FHIP1A: variants seen among roughly 807,000 people sequenced by gnomAD.
FHIP1A encodes the protein FHF complex subunit HOOK-interacting protein 1A.
Under a neutral mutation model 88.6 loss-of-function variants are expected in FHIP1A, and 61 were observed. That is an observed-to-expected ratio of 0.69 (90% CI 0.56 to 0.85). The LOEUF is 0.85. FHIP1A is among the 40% of genes least tolerant of loss of function. FHIP1A has a pLI of 0.00. For missense variants in FHIP1A, 1,154 were observed against 1,273.5 expected (o/e 0.91, Z 1.43); for synonymous variants, 478 against 496.0 (o/e 0.96, Z 0.48).
Position 151,662,572 on chromosome 4 carries a change from C to T in FHIP1A, c.2941C>T (p.Pro981Ser), listed in dbSNP as rs889790470. Residue 981 changes from proline to serine, a missense_variant, in exon 14 of 14, where the codon CCC (proline) becomes TCC (serine). Coordinates refer to ENST00000435205, the MANE Select transcript of FHIP1A (RefSeq NM_001109977.3). Reference sequence around the variant, plus strand: ...GGATGGACCTCCAAGAGTGCTTCAGCCCTTCCTGACCCACAGAACCAAGGT... The same window carrying T: ...GGATGGACCTCCAAGAGTGCTTCAGTCCTTCCTGACCCACAGAACCAAGGT... Reference protein sequence around the residue: ...LLDGPPRVLQPFLTHRTKVAE... With the variant: ...LLDGPPRVLQSFLTHRTKVAE... 2.6e-6 allele frequency: 4 copies of T among 1,551,572 alleles called. No homozygotes were observed. The highest frequency in any genetic ancestry group is 3.5e-6 in the Non-Finnish European group (4 of 1,146,938).
At chr4:151,552,497 T>TA (rs1167093715) in intron 3 of FHIP1A, among the ~76,000 whole-genome samples, 1 of 152,158 alleles carries the variant, frequency 6.6e-6, no homozygotes, top group Non-Finnish European at 1.5e-5. Context: ...TATGCAGCCA[T>TA]AAAAAATGAT....
intron 1 of FHIP1A, among the ~76,000 whole-genome samples, chr4:151,416,174 G>A (rs1580538646): frequency 6.6e-6 from 1 of 152,304 alleles, no homozygotes; most frequent in South Asian, 2.1e-4. Context: ...TGTGAAATAA[G>A]ATACTTTGGC....
intron 4 of FHIP1A, among the ~76,000 whole-genome samples, chr4:151,566,903 A>G (rs1260281391): frequency 2.0e-5 from 3 of 152,168 alleles, no homozygotes; most frequent in African/African-American, 7.2e-5. Flanking sequence ...AGGTTATACA[A>G]CTAGTAAGTT....
chr4:151,583,924 C>T (rs1280092237), intron 5 of FHIP1A, among the ~76,000 whole-genome samples: 1 of 151,882 alleles, frequency 6.6e-6, no homozygotes, highest in African/African-American at 2.4e-5. Flanking sequence ...CAAAGATGCC[C>T]TGATTTTTTA....
At chr4:151,456,947 GTAT>G (rs1307349466) in intron 2 of FHIP1A, among the ~76,000 whole-genome samples, 1 of 151,730 alleles carries the variant, frequency 6.6e-6, no homozygotes, top group Non-Finnish European at 1.5e-5. Context: ...TTATTTTACA[GTAT>G]TATTGTGATT....
intron 3 of FHIP1A, among the ~76,000 whole-genome samples, chr4:151,512,910 T>G (rs11099821): frequency 0.52 from 78,963 of 151,998 alleles, 20,817 homozygotes; most frequent in African/African-American, 0.55. Flanking sequence ...TTTCCCAATC[T>G]AGCAAGGCAG....
intron 4 of FHIP1A, among the ~76,000 whole-genome samples, chr4:151,576,593 A>C (rs1397637003): frequency 2.0e-5 from 3 of 152,154 alleles, no homozygotes; most frequent in Non-Finnish European, 4.4e-5. Context: ...TCTATTTCCA[A>C]AACTTTTTAA....
chr4:151,511,430 G>A (rs1030619262), intron 3 of FHIP1A, among the ~76,000 whole-genome samples: 1 of 152,192 alleles, frequency 6.6e-6, no homozygotes, highest in African/African-American at 2.4e-5. Flanking sequence ...CCAGACAGTG[G>A]GCGCAGGACA....
chr4:151,498,010 TC>T (rs1435507496), intron 3 of FHIP1A, among the ~76,000 whole-genome samples: 1 of 152,126 alleles, frequency 6.6e-6, no homozygotes, highest in East Asian at 1.9e-4. Context: ...TTATCAAGAA[TC>T]CCCCTACCCT....
At chr4:151,422,869 A>G (rs1368278915) in intron 1 of FHIP1A, among the ~76,000 whole-genome samples, 1 of 151,970 alleles carries the variant, frequency 6.6e-6, no homozygotes, top group Non-Finnish European at 1.5e-5. Flanking sequence ...TGTAGAGATC[A>G]GAGCTGGTGA....
At chr4:151,600,092 G>A (rs533646959) in intron 7 of FHIP1A, among the ~76,000 whole-genome samples, 35 of 152,272 alleles carry the variant, frequency 2.3e-4, no homozygotes, top group African/African-American at 6.5e-4. Flanking sequence ...TATCATCACT[G>A]CATCTTGATT....
At chr4:151,574,892 G>T (rs1459202921) in intron 4 of FHIP1A, among the ~76,000 whole-genome samples, 1 of 147,730 alleles carries the variant, frequency 6.8e-6, no homozygotes, top group Non-Finnish European at 1.5e-5. Context: ...TCTTATTCTT[G>T]ACCATTTGAG....
At chr4:151,481,129 A>G (rs765007174) in intron 2 of FHIP1A, among the ~76,000 whole-genome samples, 9 of 151,988 alleles carry the variant, frequency 5.9e-5, no homozygotes, top group South Asian at 2.1e-4. Flanking sequence ...TATTTTACCT[A>G]TTATTTGTAA....
intron 1 of FHIP1A, among the ~76,000 whole-genome samples, chr4:151,425,382 T>C (rs1352731964): frequency 1.3e-5 from 2 of 152,168 alleles, no homozygotes; most frequent in African/African-American, 4.8e-5. Flanking sequence ...TTAAGAGACA[T>C]ATTAACCATG....
At chr4:151,536,522 A>T (rs949835544) in intron 3 of FHIP1A, among the ~76,000 whole-genome samples, 1 of 152,146 alleles carries the variant, frequency 6.6e-6, no homozygotes, top group Non-Finnish European at 1.5e-5. Flanking sequence ...CTAAAATTTT[A>T]TCGTTAAAAA....
At chr4:151,642,954 T>C (rs190445613) in intron 9 of FHIP1A, among the ~76,000 whole-genome samples, 70 of 150,470 alleles carry the variant, frequency 4.7e-4, no homozygotes, top group African/African-American at 1.6e-3. Flanking sequence ...TTTTCTTTTT[T>C]TCCTTCTGTG....
At chr4:151,546,258 C>G (rs1318707107) in intron 3 of FHIP1A, among the ~76,000 whole-genome samples, 1 of 152,196 alleles carries the variant, frequency 6.6e-6, no homozygotes, top group Non-Finnish European at 1.5e-5. Flanking sequence ...TACCAGCAGC[C>G]CCCACTACCT....
At chr4:151,603,308 G>A (rs1400819085) in intron 7 of FHIP1A, among the ~76,000 whole-genome samples, 5 of 149,678 alleles carry the variant, frequency 3.3e-5, no homozygotes, top group African/African-American at 7.4e-5. Context: ...GCGAGACTCC[G>A]TCTGAAAAAA....
At chr4:151,662,373 C>A in intron 13 of FHIP1A, 128 bp from the exon 14 acceptor site, 1 of 964,978 alleles carries the variant, frequency 1.0e-6, no homozygotes, top group Non-Finnish European at 1.5e-6. Flanking sequence ...AGGATTTAGT[C>A]CGTTATAGGA....
Sources: gnomAD v4.1 joint callset for allele counts (sites outside exome capture counted in the v4.1 genomes callset) on GRCh38, gnomAD v4.1.1 for gene constraint, MANE v1.5 for transcripts, NCBI Gene and HGNC (gene_info 2026-07-23, HGNC 2026-07-21) for gene names.